TENM1: variants seen among roughly 807,000 people sequenced by gnomAD.
The protein encoded by TENM1 is teneurin-1.
TENM1 carries 35 observed loss-of-function variants against 174.8 expected under a neutral mutation model. The observed-to-expected ratio is 0.20, with a 90% CI of 0.15 to 0.27. The LOEUF is 0.27. TENM1 is among the 10% of genes least tolerant of loss of function. The pLI is 1.00. For missense variants in TENM1, 1,633 were observed against 2,130.1 expected (o/e 0.77, Z 4.59); for synonymous variants, 781 against 798.7 (o/e 0.98, Z 0.37).
chrX:124,556,596 A>G (rs1056530730), intron 14 of TENM1, among the ~76,000 whole-genome samples: 1 of 111,340 alleles, frequency 9.0e-6, no homozygotes, highest in African/African-American at 3.3e-5. Flanking sequence ...AAGAGTTTCA[A>G]TGGGAAATCA....
chrX:124,705,937 C>T (rs182319233), intron 4 of TENM1, among the ~76,000 whole-genome samples: 207 of 111,835 alleles, frequency 1.9e-3, no homozygotes, highest in African/African-American at 6.3e-3. Flanking sequence ...GATGGAATCT[C>T]GCTCTGTCAC....
At chrX:124,597,502 G>A (rs750864878) in intron 11 of TENM1, among the ~76,000 whole-genome samples, 117 of 110,867 alleles carry the variant, frequency 1.1e-3, no homozygotes, top group Non-Finnish European at 1.9e-3. Flanking sequence ...ATGATATAAC[G>A]GAGTATGGGG....
chrX:125,196,013 C>G, the TENM1 span, among the ~76,000 whole-genome samples: 238 of 90,724 alleles, frequency 2.6e-3, 1 homozygote, highest in African/African-American at 9.1e-3. Context: ...AAAGAAGGAA[C>G]GAAGGAAGGA....
chrX:124,861,827 A>G (rs2056917177), intron 3 of TENM1, among the ~76,000 whole-genome samples: 1 of 111,757 alleles, frequency 8.9e-6, no homozygotes, highest in African/African-American at 3.3e-5. Context: ...TTATTTATGG[A>G]CATTCAATCA....
intron 7 of TENM1, among the ~76,000 whole-genome samples, chrX:124,653,268 G>A (rs1602917415): frequency 9.0e-6 from 1 of 111,629 alleles, no homozygotes; most frequent in African/African-American, 3.3e-5. Context: ...TCAGTGAAGG[G>A]ACTGTGGGCA....
chrX:124,976,487 T>C, the TENM1 span, among the ~76,000 whole-genome samples: 1 of 111,778 alleles, frequency 8.9e-6, no homozygotes, highest in Non-Finnish European at 1.9e-5. Flanking sequence ...CAGGTGCAGT[T>C]TGGAAAGAGA....
intron 11 of TENM1, among the ~76,000 whole-genome samples, chrX:124,588,548 G>T (rs1236362404): frequency 2.8e-5 from 3 of 108,077 alleles, no homozygotes; most frequent in Non-Finnish European, 3.8e-5. Context: ...GTTGTGGGGT[G>T]GGGGGAGTGG....
intron 27 of TENM1, among the ~76,000 whole-genome samples, chrX:124,396,685 G>A (rs2060338897): frequency 9.0e-6 from 1 of 111,049 alleles, no homozygotes; most frequent in Non-Finnish European, 1.9e-5. Flanking sequence ...CCTACTACTG[G>A]GTTTGTGGGC....
At chrX:124,578,041 T>A (rs1393244503) in intron 11 of TENM1, among the ~76,000 whole-genome samples, 1 of 108,450 alleles carries the variant, frequency 9.2e-6, no homozygotes, top group Non-Finnish European at 1.9e-5. Flanking sequence ...TCCTCCCGCC[T>A]CAGCCTCCTG....
chrX:124,784,009 CA>C (rs2054979740), intron 3 of TENM1, among the ~76,000 whole-genome samples: 1 of 112,548 alleles, frequency 8.9e-6, no homozygotes, highest in Admixed American at 9.4e-5. Context: ...ATTTGAGCTG[CA>C]GCTCAAGAAA....
At chrX:125,079,926 A>G in the TENM1 span, among the ~76,000 whole-genome samples, 1 of 111,192 alleles carries the variant, frequency 9.0e-6, no homozygotes, top group Admixed American at 9.6e-5. Context: ...TGCTGCATAT[A>G]ATGTAAGAGA....
intron 3 of TENM1, among the ~76,000 whole-genome samples, chrX:124,756,010 T>C (rs1475938314): frequency 9.8e-6 from 1 of 102,477 alleles, no homozygotes; most frequent in Admixed American, 1.0e-4. Context: ...CCATTCTCTG[T>C]ATTTCCTGAA....
At chrX:124,546,289 C>T (rs1446915062) in intron 15 of TENM1, among the ~76,000 whole-genome samples, 1 of 111,916 alleles carries the variant, frequency 8.9e-6, no homozygotes, top group Non-Finnish European at 1.9e-5. Context: ...AATATATCAT[C>T]GCTGAAGATG....
At position 124,878,509 on chromosome X, in the gene TENM1, G is replaced by A. The variant is rs368667159; in HGVS notation, c.535+15787C>T. Among the ~76,000 whole-genome samples, 5 of 109,085 alleles carry A rather than the reference G, an allele frequency of 4.6e-5. No individual in the cohort carries two copies. In the East Asian group the frequency reaches 8.7e-4, roughly 19 times the overall value. The allele number at this position is 109,085 out of a possible 115,157, so 94.7% of individuals were successfully genotyped here. A position where few individuals can be genotyped will look rare whatever the true frequency, so the allele number is the denominator to read the frequency against. ...GGCTTGGTGCCCTCCCGGTGGTCAT[G>A]AGTTCACATGAGATCTGGTTATTTT... On this transcript the variant is annotated intron_variant, in intron 3 of 31. Coordinates refer to ENST00000422452, the Ensembl canonical transcript of TENM1.
At chrX:124,410,349 C>T (rs1183962660) in intron 25 of TENM1, among the ~76,000 whole-genome samples, 1 of 112,148 alleles carries the variant, frequency 8.9e-6, no homozygotes, top group Admixed American at 9.4e-5. Context: ...CCCTTCCTTA[C>T]ATCTTACACA....
chrX:125,182,453 C>CGG, the TENM1 span, among the ~76,000 whole-genome samples: 20 of 30,781 alleles, frequency 6.5e-4, no homozygotes, highest in East Asian at 1.9e-3. Flanking sequence ...TTTCGGCGGG[C>CGG]GGGGGGGGGG....
In TENM1 at chrX:124,547,123, T is replaced by C. The variant is rs760737017; in HGVS notation, c.2435-33A>G. On this transcript the variant is annotated intron_variant, in intron 14 of 31. Transcript: ENST00000422452. ...TAAAACCCAAAACCAATATTGATTATTTAGCTTCAAGAGAAAAATATAGTT... is the reference window on the plus strand; with the variant it reads ...TAAAACCCAAAACCAATATTGATTACTTAGCTTCAAGAGAAAAATATAGTT... The C allele has an allele frequency of 5.5e-6, 6 of 1,095,131 alleles. No homozygotes were observed. The South Asian group carries it at 1.2e-4, about 21-fold the overall frequency. 90.3% of individuals were successfully genotyped at this position (1,095,131 alleles called of 1,213,427 possible).
At chrX:124,988,737 G>A in the TENM1 span, among the ~76,000 whole-genome samples, 3 of 111,421 alleles carry the variant, frequency 2.7e-5, no homozygotes, top group African/African-American at 9.7e-5. Context: ...TGAAAAGTTG[G>A]TACAACATTC....
At chrX:124,950,709 G>A (rs927860791) in intron 1 of TENM1, among the ~76,000 whole-genome samples, 42 of 111,458 alleles carry the variant, frequency 3.8e-4, no homozygotes, top group African/African-American at 1.4e-3. Flanking sequence ...TTTTTAGCTG[G>A]GTAGGCTTAG....
Sources: allele counts gnomAD v4.1 joint callset (sites outside exome capture counted in the v4.1 genomes callset), GRCh38; gene constraint gnomAD v4.1.1; transcripts MANE v1.5; gene names NCBI Gene and HGNC (gene_info 2026-07-23, HGNC 2026-07-21).